Variants in R3HDM1 observed in about 807,000 individuals in gnomAD.
R3HDM1 encodes R3H domain containing 1, also known as R3H domain-containing protein 1.
A neutral mutation model predicts 141.1 loss-of-function variants in R3HDM1; 46 were observed. The observed-to-expected ratio is 0.33, with a 90% CI of 0.26 to 0.42. The LOEUF is 0.42. Ranked by LOEUF, R3HDM1 falls within the 10% of genes least tolerant of loss-of-function variation. The probability of loss-of-function intolerance (pLI) is 1.00; values close to 1 mark genes in which losing one functional copy is unlikely to be tolerated. For missense variants in R3HDM1, 1,184 were observed against 1,368.3 expected (o/e 0.87, Z 2.12); for synonymous variants, 435 against 472.9 (o/e 0.92, Z 1.04).
At chr2:135,645,299 G>A (rs2064274181) in intron 15 of R3HDM1, 80 bp from the exon 16 acceptor site, 1 of 1,234,380 alleles carries the variant, frequency 8.1e-7, no homozygotes, top group Non-Finnish European at 1.1e-6. Context: ...TTTTGGACAT[G>A]CTTTGTAAAT....
At chr2:135,605,152 G>A in intron 3 of R3HDM1, 136 bp downstream of exon 3, 4 of 686,924 alleles carry the variant, frequency 5.8e-6, no homozygotes, top group Middle Eastern at 4.3e-4. Context: ...AGCTGGTTTT[G>A]GAGCCAGTTG....
intron 1 of R3HDM1, chr2:135,559,095 A>C (rs1014095770): frequency 1.5e-6 from 1 of 656,088 alleles, no homozygotes; most frequent in Non-Finnish European, 1.8e-6. Flanking sequence ...GTGTGTGTGC[A>C]TGCGTGTGTG....
chr2:135,583,195 G>A (rs532219818), intron 1 of R3HDM1, among the ~76,000 whole-genome samples: 3 of 152,072 alleles, frequency 2.0e-5, no homozygotes, highest in East Asian at 1.9e-4. Context: ...TTTGTTTACC[G>A]GTCTCTCTAG....
chr2:135,632,747 CGAAAG>C (rs1454305196), intron 9 of R3HDM1, among the ~76,000 whole-genome samples: 19 of 152,146 alleles, frequency 1.2e-4, no homozygotes, highest in Non-Finnish European at 2.4e-4. Flanking sequence ...ATTTGCCTAT[CGAAAG>C]GAATTTCAGT....
chr2:135,610,423 G>A (rs536706259), intron 3 of R3HDM1, among the ~76,000 whole-genome samples: 60 of 152,296 alleles, frequency 3.9e-4, no homozygotes, highest in African/African-American at 1.2e-3. Flanking sequence ...TCTGACATAC[G>A]TGAGTCAATT....
chr2:135,592,414 G>A (rs1055412909), intron 1 of R3HDM1, among the ~76,000 whole-genome samples: 6 of 152,148 alleles, frequency 3.9e-5, no homozygotes, highest in African/African-American at 7.2e-5. Flanking sequence ...AGATAACTCC[G>A]AGGTCAAGAC....
At chr2:135,615,502 T>G (rs555408794) in intron 3 of R3HDM1, among the ~76,000 whole-genome samples, 2 of 152,316 alleles carry the variant, frequency 1.3e-5, no homozygotes, top group East Asian at 3.9e-4. Context: ...TTAGTTTGCC[T>G]TACCGCATTC....
intron 19 of R3HDM1, chr2:135,667,120 A>T: frequency 4.3e-6 from 4 of 928,406 alleles, no homozygotes; most frequent in Non-Finnish European, 5.1e-6. Context: ...ATGCTAGTTC[A>T]GATCACCTAT....
chr2:135,627,218 T>C (rs565442956), intron 7 of R3HDM1, among the ~76,000 whole-genome samples: 4 of 152,304 alleles, frequency 2.6e-5, no homozygotes, highest in Admixed American at 6.5e-5. Context: ...GTTAGAAGTA[T>C]GGCAAATTCC....
chr2:135,586,414 A>G (rs1204239112), intron 1 of R3HDM1: 1 of 152,956 alleles, frequency 6.5e-6, no homozygotes, highest in Admixed American at 6.5e-5. Flanking sequence ...AGTGAGCTCT[A>G]TAGAGGAGCA....
intron 1 of R3HDM1, chr2:135,543,233 C>A: frequency 3.0e-6 from 1 of 333,290 alleles, no homozygotes; most frequent in Non-Finnish European, 4.3e-6. Context: ...ACTGTTCTTT[C>A]CCCCATTGAA....
At chr2:135,556,706 G>T (rs1161465511) in intron 1 of R3HDM1, among the ~76,000 whole-genome samples, 2 of 151,936 alleles carry the variant, frequency 1.3e-5, no homozygotes, top group Non-Finnish European at 1.5e-5. Context: ...TTTTAGTAGA[G>T]ACAGGGTTTC....
At chr2:135,652,124 A>G in intron 18 of R3HDM1, 92 bp downstream of exon 18, 1 of 1,453,116 alleles carries the variant, frequency 6.9e-7, no homozygotes, top group Middle Eastern at 2.6e-4. Flanking sequence ...ATTCTCATGA[A>G]GAGAATTTGT....
At chr2:135,697,605 A>G (rs562234436) in intron 21 of R3HDM1, among the ~76,000 whole-genome samples, 15 of 152,360 alleles carry the variant, frequency 9.8e-5, no homozygotes, top group Middle Eastern at 3.4e-3. Flanking sequence ...CTTGTATCCA[A>G]TTGGTTGAGT....
chr2:135,696,162 C>G (rs1193446642), intron 21 of R3HDM1, among the ~76,000 whole-genome samples: 2 of 152,130 alleles, frequency 1.3e-5, no homozygotes, highest in African/African-American at 2.4e-5. Flanking sequence ...AAAAAAAGAT[C>G]TGTTGATAAC....
At chr2:135,539,934 A>T (rs1697101203) in intron 1 of R3HDM1, among the ~76,000 whole-genome samples, 1 of 151,978 alleles carries the variant, frequency 6.6e-6, no homozygotes, top group South Asian at 2.1e-4. Context: ...ACGTTGATGG[A>T]CACTTCCTTT....
intron 19 of R3HDM1, among the ~76,000 whole-genome samples, chr2:135,670,795 C>T (rs142126402): frequency 3.3e-5 from 5 of 152,190 alleles, no homozygotes; most frequent in African/African-American, 1.2e-4. Context: ...CCGTGGCACA[C>T]CCCTATAATC....
At chr2:135,565,321 A>AT (rs1559133028) in intron 1 of R3HDM1, among the ~76,000 whole-genome samples, 2 of 136,076 alleles carry the variant, frequency 1.5e-5, no homozygotes, top group African/African-American at 5.9e-5. Context: ...CAATGAAAAA[A>AT]AATTATTATT....
chr2:135,661,694 T>G lies in R3HDM1; in HGVS notation c.2152+301T>G, dbSNP rs144830403. Among the ~76,000 whole-genome samples, 11 of 152,308 alleles carry G rather than the reference T, an allele frequency of 7.2e-5. No individual in the cohort carries two copies. The East Asian group carries it at 2.1e-3, about 29-fold the overall frequency. Reference sequence around the variant, plus strand: ...GATTGAAACTGTCTTTGCAGCCTGATAAATCACCTATGGTAACAGCAAAAG... The same window carrying G: ...GATTGAAACTGTCTTTGCAGCCTGAGAAATCACCTATGGTAACAGCAAAAG... On this transcript the variant is annotated intron_variant, in intron 19 of 26. Coordinates refer to ENST00000683871, the MANE Select transcript of R3HDM1 (RefSeq NM_001378107.1).
Sources: allele counts gnomAD v4.1 joint callset (sites outside exome capture counted in the v4.1 genomes callset), GRCh38; gene constraint gnomAD v4.1.1; transcripts MANE v1.5; gene names NCBI Gene and HGNC (gene_info 2026-07-23, HGNC 2026-07-21).